Variants in NFYA observed in about 807,000 individuals in gnomAD.
The protein encoded by NFYA is nuclear transcription factor Y subunit alpha.
NFYA carries 28 observed loss-of-function variants against 52.8 expected under a neutral mutation model. The observed-to-expected ratio is 0.53, with a 90% CI of 0.39 to 0.73. The LOEUF (loss-of-function observed/expected upper bound fraction) is 0.73, where lower values mean the gene tolerates loss of function less well. NFYA is among the 30% of genes least tolerant of loss of function. NFYA has a pLI of 0.00. For missense variants in NFYA, 234 were observed against 427.0 expected (o/e 0.55, Z 3.98); for synonymous variants, 150 against 150.7 (o/e 1.00, Z 0.03).
chr6:41,086,783 CAT>C (rs1424823980), intron 4 of NFYA, among the ~76,000 whole-genome samples: 1 of 152,106 alleles, frequency 6.6e-6, no homozygotes, highest in African/African-American at 2.4e-5. Context: ...GTGGTATAAA[CAT>C]ATCAATGAAG....
intron 4 of NFYA, among the ~76,000 whole-genome samples, chr6:41,086,306 T>A (rs1764042670): frequency 6.6e-6 from 1 of 152,206 alleles, no homozygotes; most frequent in African/African-American, 2.4e-5. Context: ...TTATATGAGA[T>A]GATATCTAGG....
At chr6:41,080,749 G>C (rs1763882880) in intron 2 of NFYA, 62 bp from the exon 3 acceptor site, 3 of 1,371,962 alleles carry the variant, frequency 2.2e-6, no homozygotes, top group Middle Eastern at 3.7e-4. Flanking sequence ...AAGGTGATCT[G>C]TGTCTTGAAC....
At chr6:41,091,157 A>G (rs1764188820) in intron 6 of NFYA, among the ~76,000 whole-genome samples, 1 of 152,230 alleles carries the variant, frequency 6.6e-6, no homozygotes, top group African/African-American at 2.4e-5. Flanking sequence ...TTTGAGATAA[A>G]CAAAGTATAA....
rs1764434321 is a variant in NFYA at position 41,099,083 on chromosome 6, C to T, written c.*1673C>T. ...GATTGTAATGATAGAAATAGAGGTACAGAGCTATGCAAAGGAAACAGGAAG... is the reference window on the plus strand; with the variant it reads ...GATTGTAATGATAGAAATAGAGGTATAGAGCTATGCAAAGGAAACAGGAAG... On this transcript the variant is annotated 3_prime_UTR_variant, in exon 10 of 10. Coordinates refer to ENST00000341376, the MANE Select transcript of NFYA (RefSeq NM_002505.5). 6.6e-6 allele frequency: 1 copy of T among 152,202 alleles called. No homozygotes were observed. The highest frequency in any genetic ancestry group is 2.1e-4 in the South Asian group (1 of 4,828). 9.4% of individuals were successfully genotyped at this position (152,202 alleles called of 1,614,324 possible).
chr6:41,083,713 G>A (rs1197237486), intron 3 of NFYA, among the ~76,000 whole-genome samples: 3 of 152,122 alleles, frequency 2.0e-5, no homozygotes, highest in Non-Finnish European at 1.5e-5. Context: ...TTCCTGGATT[G>A]GTTTAAACAG....
In NFYA at chr6:41,100,188, C is replaced by G. The variant is rs1015278606; in HGVS notation, c.*2778C>G. Among the ~76,000 whole-genome samples the G allele has an allele frequency of 5.9e-5, 9 of 152,126 alleles. No individual in the cohort carries two copies. The highest frequency in any genetic ancestry group is 7.4e-5 in the Non-Finnish European group (5 of 68,024). Reference sequence around the variant, plus strand: ...CTGTTGAGGAGATTTTTTCTGTCACCTGCAGGCTGATCATACATTTGATGC... The same window carrying G: ...CTGTTGAGGAGATTTTTTCTGTCACGTGCAGGCTGATCATACATTTGATGC... On this transcript the variant is annotated 3_prime_UTR_variant, in exon 10 of 10. Coordinates refer to ENST00000341376, the MANE Select transcript of NFYA (RefSeq NM_002505.5).
rs1763884233 is a variant in NFYA, at chr6:41,080,799, TC to T, written c.76-10del. ...CTGACATATTTCAAGCTCTTCCTGT[TC>T]CTGTTCTCAGCAGCAGGGTGGTGTC... On this transcript the variant is annotated splice_polypyrimidine_tract_variant and intron_variant, in intron 2 of 9. Coordinates refer to ENST00000341376, the MANE Select transcript of NFYA (RefSeq NM_002505.5). The T allele has an allele frequency of 3.1e-6, 5 of 1,611,074 alleles. No individual in the cohort carries two copies. The highest frequency in any genetic ancestry group is 4.2e-6 in the Non-Finnish European group (5 of 1,177,324).
chr6:41,093,228 A>G, intron 8 of NFYA, 143 bp downstream of exon 8: 1 of 701,796 alleles, frequency 1.4e-6, no homozygotes, highest in Non-Finnish European at 2.2e-6. Flanking sequence ...AAGAGTTAGC[A>G]TTTGTTATTA....
chr6:41,089,832 A>C (rs1764153146), intron 5 of NFYA, 122 bp downstream of exon 5: 1 of 1,401,896 alleles, frequency 7.1e-7, no homozygotes, highest in South Asian at 1.5e-5. Flanking sequence ...AAAAAAATAT[A>C]TTTTTGGCCG....
At chr6:41,088,618 C>CT (rs1302021335) in intron 4 of NFYA, among the ~76,000 whole-genome samples, 1 of 151,874 alleles carries the variant, frequency 6.6e-6, no homozygotes, top group Non-Finnish European at 1.5e-5. Flanking sequence ...GTTACTCGCT[C>CT]TGTTGCCTAG....
intron 2 of NFYA, 41 bp downstream of exon 2, chr6:41,079,205 C>G (rs774999837): frequency 3.6e-5 from 56 of 1,563,724 alleles, no homozygotes; most frequent in Non-Finnish European, 4.9e-5. Context: ...AGCAATGAAA[C>G]TGATAACAGC....
chr6:41,084,369 T>A (rs1490744484), intron 4 of NFYA, among the ~76,000 whole-genome samples, 177 bp downstream of exon 4: 3 of 152,206 alleles, frequency 2.0e-5, no homozygotes, highest in African/African-American at 7.2e-5. Flanking sequence ...TATGCAGAAA[T>A]TGGACAGCTC....
At chr6:41,095,398 T>C (rs1764320604) in intron 9 of NFYA, among the ~76,000 whole-genome samples, 1 of 152,204 alleles carries the variant, frequency 6.6e-6, no homozygotes, top group African/African-American at 2.4e-5. Flanking sequence ...TCCCTATCTG[T>C]TAGGTCTGGG....
chr6:41,090,123 A>ATTTTT (rs202114917), intron 5 of NFYA, 81 bp from the exon 6 acceptor site: 2 of 814,800 alleles, frequency 2.5e-6, no homozygotes, highest in Non-Finnish European at 3.8e-6. Context: ...CAAAAAAATA[A>ATTTTT]TTTTTTTTTT....
intron 6 of NFYA, among the ~76,000 whole-genome samples, chr6:41,090,867 G>C (rs996377962): frequency 1.3e-5 from 2 of 152,178 alleles, no homozygotes; most frequent in Non-Finnish European, 2.9e-5. Flanking sequence ...GAACTTGAAG[G>C]CTTTTGGAAG....
intron 8 of NFYA, 52 bp from the exon 9 acceptor site, chr6:41,094,342 CTG>C: frequency 4.8e-6 from 7 of 1,472,598 alleles, no homozygotes; most frequent in East Asian, 2.3e-5. Flanking sequence ...CACTAGATAA[CTG>C]TGCTGGTTCT....
In NFYA at chr6:41,100,402, A is replaced by G. The variant is rs141546578; in HGVS notation, c.*2992A>G. 3.8e-3 allele frequency among the ~76,000 whole-genome samples: 582 copies of G among 152,304 alleles called. 11 individuals carry two copies. In the South Asian group the frequency reaches 0.06, roughly 16 times the overall value. On this transcript the variant is annotated 3_prime_UTR_variant, in exon 10 of 10. Coordinates refer to ENST00000341376, the MANE Select transcript of NFYA (RefSeq NM_002505.5). ...TTTCTGATTGTTAAAAATCCACAGC[A>G]TGCTCACCTTGTTACTGTTTTACCT...
At chr6:41,084,335 A>G (rs1763984517) in intron 4 of NFYA, 143 bp downstream of exon 4, 4 of 940,344 alleles carry the variant, frequency 4.3e-6, no homozygotes, top group Non-Finnish European at 6.2e-6. Flanking sequence ...CTGCCTTTAT[A>G]GTACCAGTGA....
rs953945685 is a variant in NFYA at position 41,100,520 on chromosome 6, A to G, written c.*3110A>G. Among the ~76,000 whole-genome samples the G allele has an allele frequency of 3.2e-5, 4 of 123,482 alleles. No individual in the cohort carries two copies. The highest frequency in any genetic ancestry group is 1.2e-4 in the African/African-American group (4 of 34,542). The allele number at this position is 123,482 out of a possible 152,430, so 81.0% of individuals were successfully genotyped here. On this transcript the variant is annotated 3_prime_UTR_variant, in exon 10 of 10. Transcript: ENST00000341376. ...GACAAACAGCCCGAGGAAGCACTCA[A>G]TGATGAGAGCAGTAGACCTGCCCTG...
Sources: gnomAD v4.1 joint callset for allele counts (sites outside exome capture counted in the v4.1 genomes callset) on GRCh38, gnomAD v4.1.1 for gene constraint, MANE v1.5 for transcripts, NCBI Gene and HGNC (gene_info 2026-07-23, HGNC 2026-07-21) for gene names.